Variants in PLA2G4E observed in about 807,000 individuals in gnomAD.
The protein encoded by PLA2G4E is phospholipase A2 group IVE.
PLA2G4E carries 84 observed loss-of-function variants against 109.1 expected under a neutral mutation model. The observed-to-expected ratio is 0.77, with a 90% CI of 0.65 to 0.92. The LOEUF is 0.92. PLA2G4E is among the 40% of genes least tolerant of loss of function. PLA2G4E has a pLI of 0.00. For synonymous variants in PLA2G4E, 469 were observed against 436.1 expected (o/e 1.08, Z -0.94); for missense variants, 1,057 against 1,076.6 (o/e 0.98, Z 0.25).
intron 1 of PLA2G4E, among the ~76,000 whole-genome samples, chr15:42,047,398 A>G (rs1312968837): frequency 2.0e-5 from 3 of 152,188 alleles, no homozygotes; most frequent in Admixed American, 6.5e-5. Flanking sequence ...AGAGCACAAG[A>G]GAGAGCAACA....
chr15:41,992,592 C>T, intron 13 of PLA2G4E, 145 bp downstream of exon 13: 1 of 764,640 alleles, frequency 1.3e-6, no homozygotes, highest in Non-Finnish European at 2.1e-6. Flanking sequence ...GAGTCCGACA[C>T]CTTATCGGTC....
intron 1 of PLA2G4E, among the ~76,000 whole-genome samples, chr15:42,040,320 G>C (rs1258019013): frequency 1.3e-5 from 2 of 152,108 alleles, no homozygotes; most frequent in African/African-American, 4.8e-5. Context: ...AAATTAACAG[G>C]GGAAGGACAG....
Position 42,035,501 on chromosome 15 carries a change from C to T in PLA2G4E, c.183+15020G>A, listed in dbSNP as rs147086897. ...GGGAGAGGCAACCATGCTTTCCCAG[C>T]GAGTAAGGCTCAGTTGAAGGAAGGG... On this transcript the variant is annotated intron_variant, in intron 1 of 19. Transcript: ENST00000399518. 3.0e-4 allele frequency among the ~76,000 whole-genome samples: 46 copies of T among 152,250 alleles called. 1 individual carries two copies. In the East Asian group the frequency reaches 6.4e-3, roughly 21 times the overall value.
chr15:42,031,157 C>T (rs1889104425), intron 1 of PLA2G4E, among the ~76,000 whole-genome samples: 2 of 151,908 alleles, frequency 1.3e-5, no homozygotes, highest in Non-Finnish European at 2.9e-5. Flanking sequence ...TTGGTAGAGT[C>T]GGGGTCTCAC....
At chr15:42,015,025 T>C (rs959150152) in intron 1 of PLA2G4E, among the ~76,000 whole-genome samples, 4 of 152,044 alleles carry the variant, frequency 2.6e-5, no homozygotes, top group Non-Finnish European at 4.4e-5. Flanking sequence ...GCCCCTCTTC[T>C]AGTTCTGATC....
exon 20 of PLA2G4E, chr15:41,983,626 C>T (rs1372016315): frequency 2.4e-6 from 2 of 827,184 alleles, no homozygotes; most frequent in African/African-American, 1.7e-5. Context: ...CGTTAGAAAG[C>T]CCAGGCCAAC....
intron 1 of PLA2G4E, among the ~76,000 whole-genome samples, chr15:42,030,810 C>T (rs1448321682): frequency 6.6e-6 from 1 of 152,316 alleles, no homozygotes; most frequent in East Asian, 1.9e-4. Context: ...AGTGTTTGCT[C>T]TTTTGTGTGT....
At chr15:41,997,645 G>A (rs74010951) in intron 10 of PLA2G4E, 2,510 of 158,208 alleles carry the variant, frequency 0.016, 71 homozygotes, top group African/African-American at 0.057. Flanking sequence ...GTGACAAAAG[G>A]CGCTGAGATC....
intron 7 of PLA2G4E, 126 bp downstream of exon 7, chr15:42,001,031 T>C (rs911920942): frequency 3.2e-6 from 3 of 940,912 alleles, no homozygotes; most frequent in Middle Eastern, 3.4e-4. Flanking sequence ...TTCTGAGGGG[T>C]TTCAGCCGAG....
intron 1 of PLA2G4E, among the ~76,000 whole-genome samples, chr15:42,047,382 G>T (rs1889432947): frequency 6.6e-6 from 1 of 152,110 alleles, no homozygotes; most frequent in Non-Finnish European, 1.5e-5. Context: ...AGGGCAGAAG[G>T]GCAAGAGAGC....
intron 1 of PLA2G4E, among the ~76,000 whole-genome samples, chr15:42,017,738 C>T (rs1397822059): frequency 6.6e-6 from 1 of 152,196 alleles, no homozygotes. Context: ...CAGCGCTCCC[C>T]CAAAGCCAAA....
intron 2 of PLA2G4E, chr15:42,009,930 T>G (rs1489914146): frequency 1.0e-5 from 2 of 193,780 alleles, no homozygotes; most frequent in Admixed American, 1.2e-4. Flanking sequence ...GTTCCTCTCC[T>G]GGGGAGCACC....
At chr15:42,032,376 C>T (rs757710073) in intron 1 of PLA2G4E, among the ~76,000 whole-genome samples, 3 of 152,226 alleles carry the variant, frequency 2.0e-5, no homozygotes, top group Non-Finnish European at 4.4e-5. Context: ...TCAAGGGTCC[C>T]TGCCCACCAC....
intron 1 of PLA2G4E, among the ~76,000 whole-genome samples, chr15:42,035,798 T>C (rs1889202453): frequency 6.6e-6 from 1 of 152,210 alleles, no homozygotes; most frequent in Admixed American, 6.5e-5. Flanking sequence ...TTTATTATTC[T>C]CTATACATTT....
rs746095599 is a variant in PLA2G4E at position 42,050,633 on chromosome 15, G to A, written c.71C>T (p.Thr24Met). The change falls in exon 1 of 20, where the codon ACG becomes ATG. Residue 24 changes from threonine to methionine, a missense_variant. Physicochemically the swap from Thr to Met is moderately conservative, Grantham distance 81 (BLOSUM62 -1). Transcript: ENST00000399518. ...TCCTGACCTGCTGCCTTCTTCATCCGTTTGTGGGCTCTGTGGGACAAACAC... is the reference window on the plus strand; with the variant it reads ...TCCTGACCTGCTGCCTTCTTCATCCATTTGTGGGCTCTGTGGGACAAACAC... The A allele has an allele frequency of 7.6e-5, 118 of 1,550,626 alleles. 2 individuals carry two copies. The South Asian group carries it at 1.1e-3, about 15-fold the overall frequency.
intron 11 of PLA2G4E, 134 bp from the exon 12 acceptor site, chr15:41,995,630 T>A: frequency 9.0e-7 from 1 of 1,115,220 alleles, no homozygotes; most frequent in Non-Finnish European, 1.3e-6. Flanking sequence ...AGTGCGGCGT[T>A]GAGCCACCTG....
chr15:41,992,997 G>A, intron 12 of PLA2G4E, 38 bp from the exon 13 acceptor site: 1 of 1,553,084 alleles, frequency 6.4e-7, no homozygotes, highest in Non-Finnish European at 8.7e-7. Context: ...GGCTGACCCG[G>A]CCCCTGTCTG....
chr15:42,030,131 G>A (rs1026520307), intron 1 of PLA2G4E, among the ~76,000 whole-genome samples: 10 of 152,140 alleles, frequency 6.6e-5, no homozygotes, highest in Non-Finnish European at 1.5e-4. Flanking sequence ...CATGAGTAAA[G>A]GAATGAAGGT....
At chr15:42,006,475 A>G (rs1398434720) in intron 3 of PLA2G4E, among the ~76,000 whole-genome samples, 1 of 152,172 alleles carries the variant, frequency 6.6e-6, no homozygotes, top group African/African-American at 2.4e-5. Flanking sequence ...CTGCCAGGAT[A>G]TAGAATGTGG....
Sources: allele counts gnomAD v4.1 joint callset (sites outside exome capture counted in the v4.1 genomes callset), GRCh38; gene constraint gnomAD v4.1.1; transcripts MANE v1.5; gene names NCBI Gene and HGNC (gene_info 2026-07-23, HGNC 2026-07-21).